NTM: variants seen among roughly 807,000 people sequenced by gnomAD.
NTM encodes IgLON family member 2.
Under a neutral mutation model 42.1 loss-of-function variants are expected in NTM, and 13 were observed. The ratio of observed to expected loss-of-function variants is 0.31; its 90% CI spans 0.20 to 0.49. The LOEUF is 0.49. Ranked by LOEUF, NTM falls within the 20% of genes least tolerant of loss-of-function variation. The pLI is 0.99. For synonymous variants in NTM, 187 were observed against 179.2 expected, an observed-to-expected ratio of 1.04 and a Z score of -0.35; for missense variants, 373 against 452.8, an observed-to-expected ratio of 0.82 and a Z score of 1.60.
rs1555261897 is a variant in NTM, at chr11:132,101,556, T to TGTGTGTGTGTGTGTGTGTGTG, written c.168-44726_168-44725insGTGTGTGTGTGTGTGTGTGTG. Reference sequence around the variant, plus strand: ...TTTGGATAGACCAAGGAACACAACCTTGTGTGTGTGTGTGTGTGTGTGTGT... The same window carrying TGTGTGTGTGTGTGTGTGTGTG: ...TTTGGATAGACCAAGGAACACAACCTGTGTGTGTGTGTGTGTGTGTGTGTGTGTGTGTGTGTGTGTGTGTGT... On this transcript the variant is annotated intron_variant, in intron 2 of 8. Coordinates refer to ENST00000683400, the MANE Select transcript of NTM (RefSeq NM_001352005.2). Among the ~76,000 whole-genome samples the TGTGTGTGTGTGTGTGTGTGTG allele has an allele frequency of 5.6e-3, 734 of 131,122 alleles. 8 individuals are homozygous for TGTGTGTGTGTGTGTGTGTGTG. Among genetic ancestry groups the TGTGTGTGTGTGTGTGTGTGTG allele is most frequent in the Non-Finnish European group, 9.0e-3 (537 of 59,392 alleles). 86.0% of individuals were successfully genotyped at this position (131,122 alleles called of 152,430 possible).
In NTM at chr11:131,847,528, T is replaced by A. The variant is rs140964469; in HGVS notation, c.83-64036T>A. 9.7e-3 allele frequency among the ~76,000 whole-genome samples: 1,480 copies of A among 152,076 alleles called. 84 individuals carry two copies. Among genetic ancestry groups the A allele is most frequent in the Admixed American group, 0.08 (1,215 of 15,264 alleles). On this transcript the variant is annotated intron_variant, in intron 1 of 8. Transcript: ENST00000683400. The stretch of plus-strand genomic sequence containing the variant: ...GAGGAGGCAGGAAGCTGTGGCTCAT[T>A]TCAGGCAGAGCAAATGTGTAGGAAT...
At chr11:132,150,743 T>A (rs1225556084) in intron 3 of NTM, among the ~76,000 whole-genome samples, 2 of 151,644 alleles carry the variant, frequency 1.3e-5, no homozygotes, top group African/African-American at 4.8e-5. Context: ...GTAGGCAGAG[T>A]TCGAGGGTTG....
intron 1 of NTM, among the ~76,000 whole-genome samples, chr11:131,903,910 G>A (rs2053507669): frequency 6.6e-6 from 1 of 152,024 alleles, no homozygotes; most frequent in Admixed American, 6.6e-5. Flanking sequence ...TTAGTCATTA[G>A]ACCTTCTCAG....
chr11:131,491,733 C>T (rs73572310), intron 1 of NTM, among the ~76,000 whole-genome samples: 6,534 of 152,080 alleles, frequency 0.043, 466 homozygotes, highest in African/African-American at 0.15. Context: ...GATACCAGAG[C>T]GAGATAAGAC....
At chr11:131,925,966 A>T (rs565724505) in intron 2 of NTM, among the ~76,000 whole-genome samples, 107 of 152,204 alleles carry the variant, frequency 7.0e-4, no homozygotes, top group African/African-American at 2.5e-3. Flanking sequence ...GTATCCTTGG[A>T]GAATAGATGC....
At chr11:131,687,376 G>A (rs1440336716) in intron 1 of NTM, among the ~76,000 whole-genome samples, 1 of 152,152 alleles carries the variant, frequency 6.6e-6, no homozygotes, top group Non-Finnish European at 1.5e-5. Flanking sequence ...CAGGGACACG[G>A]GACATCAGTG....
chr11:131,948,749 GC>G (rs2060653962), intron 2 of NTM, among the ~76,000 whole-genome samples: 1 of 152,130 alleles, frequency 6.6e-6, no homozygotes, highest in South Asian at 2.1e-4. Flanking sequence ...TGGCCCCACC[GC>G]CCCAGTGCTA....
chr11:131,387,998 C>A (rs1304293104), intron 1 of NTM, among the ~76,000 whole-genome samples: 1 of 152,172 alleles, frequency 6.6e-6, no homozygotes, highest in African/African-American at 2.4e-5. Context: ...CAGACCCCAG[C>A]AATCTGTGTG....
chr11:131,995,050 C>T (rs2067738640), intron 2 of NTM, among the ~76,000 whole-genome samples: 1 of 152,158 alleles, frequency 6.6e-6, no homozygotes, highest in Non-Finnish European at 1.5e-5. Context: ...TTGAAATGAG[C>T]CAGACTGCCT....
chr11:131,937,895 C>T (rs902542877), intron 2 of NTM, among the ~76,000 whole-genome samples: 1 of 152,118 alleles, frequency 6.6e-6, no homozygotes, highest in Non-Finnish European at 1.5e-5. Context: ...TTAGGTTGCA[C>T]GTAGCAAGTC....
At chr11:132,117,377 C>G (rs940077158) in intron 2 of NTM, among the ~76,000 whole-genome samples, 6 of 152,190 alleles carry the variant, frequency 3.9e-5, no homozygotes, top group African/African-American at 1.4e-4. Flanking sequence ...TCTCCCTAGT[C>G]TGTGCCCCAC....
At chr11:132,178,580 A>T (rs1165214892) in intron 3 of NTM, among the ~76,000 whole-genome samples, 1 of 151,934 alleles carries the variant, frequency 6.6e-6, no homozygotes, top group Non-Finnish European at 1.5e-5. Flanking sequence ...GAAAAGTTTG[A>T]TAGACAGCCT....
chr11:131,971,273 T>TA (rs1454738030), intron 2 of NTM, among the ~76,000 whole-genome samples: 2 of 152,332 alleles, frequency 1.3e-5, no homozygotes, highest in Admixed American at 6.5e-5. Flanking sequence ...TTCACGGGTG[T>TA]AAAATGACAC....
chr11:131,443,038 T>C (rs1466664419), intron 1 of NTM, among the ~76,000 whole-genome samples: 1 of 152,178 alleles, frequency 6.6e-6, no homozygotes, highest in African/African-American at 2.4e-5. Context: ...CTATTTTTAG[T>C]TCTTTGAGAA....
intron 1 of NTM, among the ~76,000 whole-genome samples, chr11:131,633,766 C>T (rs918371802): frequency 1.7e-3 from 68 of 40,008 alleles, no homozygotes; most frequent in African/African-American, 3.6e-3. Flanking sequence ...CCTCTCTCTC[C>T]CTCTCTCTCT....
chr11:131,597,081 G>T (rs144460140), intron 1 of NTM, among the ~76,000 whole-genome samples: 1,527 of 152,226 alleles, frequency 0.01, 29 homozygotes, highest in African/African-American at 0.036. Flanking sequence ...TTAAGGGAGG[G>T]TCTGCCTTTC....
At chr11:131,998,602 A>G (rs1164573983) in intron 2 of NTM, among the ~76,000 whole-genome samples, 1 of 152,066 alleles carries the variant, frequency 6.6e-6, no homozygotes, top group Non-Finnish European at 1.5e-5. Context: ...TTATTTTTCA[A>G]TTCAATTGTT....
At chr11:132,147,808 G>A (rs1025222734) in intron 3 of NTM, among the ~76,000 whole-genome samples, 6 of 152,066 alleles carry the variant, frequency 3.9e-5, no homozygotes, top group African/African-American at 1.4e-4. Flanking sequence ...AAAGGGTAAA[G>A]AACTATGGGA....
At chr11:132,304,408 C>G (rs1415659261) in intron 4 of NTM, among the ~76,000 whole-genome samples, 1 of 146,016 alleles carries the variant, frequency 6.8e-6, no homozygotes, top group Non-Finnish European at 1.5e-5. Flanking sequence ...AAAGACTATG[C>G]TTGCTTTTTT....
Sources: gnomAD v4.1 joint callset for allele counts (sites outside exome capture counted in the v4.1 genomes callset) on GRCh38, gnomAD v4.1.1 for gene constraint, MANE v1.5 for transcripts, NCBI Gene and HGNC (gene_info 2026-07-23, HGNC 2026-07-21) for gene names.